SNTB1: variants seen among roughly 807,000 people sequenced by gnomAD.
SNTB1 encodes the protein beta-1-syntrophin.
Under a neutral mutation model 48.9 loss-of-function variants are expected in SNTB1, and 36 were observed. The ratio of observed to expected loss-of-function variants is 0.74; its 90% CI spans 0.56 to 0.97. The LOEUF (loss-of-function observed/expected upper bound fraction) is 0.97, where lower values mean the gene tolerates loss of function less well. Among genes scored for constraint, SNTB1 ranks in the 50% least tolerant of loss-of-function variants. SNTB1 has a pLI of 0.00. For missense variants in SNTB1, 786 were observed against 703.4 expected, an observed-to-expected ratio of 1.12 and a Z score of -1.33; for synonymous variants, 299 against 294.6, an observed-to-expected ratio of 1.01 and a Z score of -0.15.
In SNTB1 at chr8:120,811,901, G is replaced by A. The variant is rs1418115638; in HGVS notation, c.-58C>T. 8 of 1,295,666 alleles carry A rather than the reference G, an allele frequency of 6.2e-6. No homozygotes were observed. The highest frequency in any genetic ancestry group is 6.3e-5 in the East Asian group (2 of 31,516). 80.3% of individuals were successfully genotyped at this position (1,295,666 alleles called of 1,614,324 possible). The stretch of plus-strand genomic sequence containing the variant: ...GAAAAGGGGGGAAAAGTGGGGAAGG[G>A]TGGCCGGGGGGAGGACGCGGGGCCC... On this transcript the variant is annotated 5_prime_UTR_variant, in exon 1 of 7. Coordinates refer to ENST00000517992, the MANE Select transcript of SNTB1 (RefSeq NM_021021.4).
At chr8:120,665,442 A>G (rs1817659488) in intron 2 of SNTB1, among the ~76,000 whole-genome samples, 1 of 106,328 alleles carries the variant, frequency 9.4e-6, no homozygotes, top group Non-Finnish European at 2.0e-5. Context: ...GCAAGACTCC[A>G]TCTCCAAATA....
chr8:120,778,250 A>G (rs1819770667), intron 1 of SNTB1, among the ~76,000 whole-genome samples: 1 of 152,212 alleles, frequency 6.6e-6, no homozygotes, highest in African/African-American at 2.4e-5. Flanking sequence ...ATTTACTCAC[A>G]AAGTACAAAT....
chr8:120,755,181 A>C (rs1026383574), intron 1 of SNTB1, among the ~76,000 whole-genome samples: 15 of 150,252 alleles, frequency 1.0e-4, no homozygotes, highest in Admixed American at 8.7e-4. Context: ...TGAGAGAGAG[A>C]GAGAGAGCGA....
chr8:120,590,712 G>A (rs561219172), intron 3 of SNTB1, among the ~76,000 whole-genome samples: 43 of 139,770 alleles, frequency 3.1e-4, no homozygotes, highest in African/African-American at 9.3e-4. Flanking sequence ...AGACAGAGTC[G>A]CTCTGTAGTC....
intron 2 of SNTB1, among the ~76,000 whole-genome samples, chr8:120,645,169 C>T (rs1202715655): frequency 4.6e-5 from 7 of 151,750 alleles, no homozygotes; most frequent in Non-Finnish European, 1.0e-4. Context: ...TTAGTTTAAT[C>T]AGATCCCATT....
chr8:120,555,319 T>C (rs1163123848), intron 4 of SNTB1, among the ~76,000 whole-genome samples: 1 of 152,174 alleles, frequency 6.6e-6, no homozygotes, highest in East Asian at 1.9e-4. Context: ...ATGTGCTGAA[T>C]TTTATAGTCC....
chr8:120,691,315 T>C (rs1009041882), intron 2 of SNTB1, among the ~76,000 whole-genome samples: 1 of 152,234 alleles, frequency 6.6e-6, no homozygotes, highest in African/African-American at 2.4e-5. Flanking sequence ...AATGATTAAC[T>C]GACACTGTCA....
chr8:120,659,817 A>G (rs1817561432), intron 2 of SNTB1, among the ~76,000 whole-genome samples: 1 of 152,232 alleles, frequency 6.6e-6, no homozygotes, highest in South Asian at 2.1e-4. Context: ...CATAAGAGTT[A>G]AAATTACTCC....
At chr8:120,613,463 T>C (rs1816659800) in intron 3 of SNTB1, among the ~76,000 whole-genome samples, 1 of 152,088 alleles carries the variant, frequency 6.6e-6, no homozygotes, top group Non-Finnish European at 1.5e-5. Flanking sequence ...AAGTGAGGTA[T>C]GAAGAGTGGT....
intron 1 of SNTB1, among the ~76,000 whole-genome samples, chr8:120,714,340 T>A (rs1321846542): frequency 6.6e-6 from 1 of 152,214 alleles, no homozygotes; most frequent in Non-Finnish European, 1.5e-5. Flanking sequence ...TCCAGCCAGC[T>A]GTGAAATTCA....
intron 2 of SNTB1, among the ~76,000 whole-genome samples, chr8:120,662,462 G>A (rs929680507): frequency 3.3e-5 from 5 of 152,150 alleles, no homozygotes; most frequent in African/African-American, 1.2e-4. Flanking sequence ...AAGATAATGT[G>A]TATTAAAATA....
At chr8:120,602,150 G>A (rs956391205) in intron 3 of SNTB1, among the ~76,000 whole-genome samples, 4 of 152,238 alleles carry the variant, frequency 2.6e-5, no homozygotes, top group Non-Finnish European at 4.4e-5. Flanking sequence ...AAGATGGAAA[G>A]CAGAGGCTTT....
At chr8:120,688,039 C>G (rs1818060802) in intron 2 of SNTB1, among the ~76,000 whole-genome samples, 1 of 152,182 alleles carries the variant, frequency 6.6e-6, no homozygotes, top group Non-Finnish European at 1.5e-5. Flanking sequence ...CACAGTGCAG[C>G]CTAGCACAGG....
At chr8:120,561,319 CAA>C (rs1221884195) in intron 4 of SNTB1, among the ~76,000 whole-genome samples, 572 of 45,642 alleles carry the variant, frequency 0.013, 4 homozygotes, top group African/African-American at 0.04. Flanking sequence ...AACTCCATCT[CAA>C]AAAAAAAAAA....
At chr8:120,655,821 T>A (rs62526723) in intron 2 of SNTB1, among the ~76,000 whole-genome samples, 1 of 152,040 alleles carries the variant, frequency 6.6e-6, no homozygotes, top group Non-Finnish European at 1.5e-5. Flanking sequence ...ATGGCAATTC[T>A]GAAGGAGGCA....
intron 1 of SNTB1, among the ~76,000 whole-genome samples, chr8:120,794,854 A>G (rs1328054361): frequency 6.6e-6 from 1 of 151,966 alleles, no homozygotes; most frequent in Non-Finnish European, 1.5e-5. Flanking sequence ...CCATGGCCAT[A>G]CCTTCCCAAG....
chr8:120,735,134 G>A (rs1404949778), intron 1 of SNTB1, among the ~76,000 whole-genome samples: 1 of 152,172 alleles, frequency 6.6e-6, no homozygotes, highest in Non-Finnish European at 1.5e-5. Flanking sequence ...AGCAGATGAG[G>A]CTATGGGCAT....
chr8:120,662,572 G>T (rs1400084558), intron 2 of SNTB1, among the ~76,000 whole-genome samples: 2 of 152,174 alleles, frequency 1.3e-5, no homozygotes, highest in East Asian at 1.9e-4. Context: ...GCAGGCAGTG[G>T]AGAGCGAGAG....
At chr8:120,595,620 G>T (rs1381533052) in intron 3 of SNTB1, among the ~76,000 whole-genome samples, 4 of 149,796 alleles carry the variant, frequency 2.7e-5, no homozygotes, top group Non-Finnish European at 5.9e-5. Context: ...TTTCACTCTT[G>T]TTGCCCAGGC....
Sources: gnomAD v4.1 joint callset for allele counts (sites outside exome capture counted in the v4.1 genomes callset) on GRCh38, gnomAD v4.1.1 for gene constraint, MANE v1.5 for transcripts, NCBI Gene and HGNC (gene_info 2026-07-23, HGNC 2026-07-21) for gene names.